GMCL1: variants seen among roughly 807,000 people sequenced by gnomAD.
The protein encoded by GMCL1 is germ cell-less 1, spermatogenesis associated.
Under a neutral mutation model 75.5 loss-of-function variants are expected in GMCL1, and 54 were observed. The observed-to-expected ratio is 0.71, with a 90% CI of 0.57 to 0.90. The LOEUF (loss-of-function observed/expected upper bound fraction) is 0.90. Among genes scored for constraint, GMCL1 ranks in the 40% least tolerant of loss-of-function variants. The pLI is 0.00. For missense variants in GMCL1, 537 were observed against 622.7 expected (o/e 0.86, Z 1.47); for synonymous variants, 210 against 209.6 (o/e 1.00, Z -0.02).
rs777375801 is a variant in GMCL1 at position 69,854,802 on chromosome 2, A to G, written c.935-21A>G. ...ATAGGTTTGAAAAGAATGGCTGTTT[A>G]ACTTACATGGTTTTTTATAGATTTT... is the stretch of plus-strand genomic sequence containing the variant. On this transcript the variant is annotated intron_variant, in intron 8 of 13. Transcript: ENST00000282570. The G allele has an allele frequency of 1.1e-4, 176 of 1,595,430 alleles. 1 individual carries two copies. Among genetic ancestry groups the G allele is most frequent in the Non-Finnish European group, 1.5e-4 (174 of 1,172,808 alleles).
At chr2:69,848,478 T>G (rs947202583) in intron 7 of GMCL1, among the ~76,000 whole-genome samples, 19 of 152,216 alleles carry the variant, frequency 1.2e-4, no homozygotes, top group African/African-American at 4.6e-4. Context: ...AGGCCCAGGC[T>G]GGCGGATCGC....
chr2:69,856,738 C>T (rs1395700090), intron 9 of GMCL1, among the ~76,000 whole-genome samples: 1 of 147,898 alleles, frequency 6.8e-6, no homozygotes, highest in East Asian at 2.0e-4. Flanking sequence ...AATATAGGGC[C>T]AGGAGACCAC....
chr2:69,866,589 G>A (rs1258459423), intron 11 of GMCL1, among the ~76,000 whole-genome samples: 1 of 152,096 alleles, frequency 6.6e-6, no homozygotes, highest in Non-Finnish European at 1.5e-5. Flanking sequence ...CTCTGGAGTA[G>A]CTGAGACTAC....
chr2:69,867,515 AT>A (rs1184053366), intron 11 of GMCL1, among the ~76,000 whole-genome samples: 6 of 152,226 alleles, frequency 3.9e-5, no homozygotes, highest in Non-Finnish European at 8.8e-5. Flanking sequence ...CATTCTGGAT[AT>A]ACAATACATT....
intron 9 of GMCL1, among the ~76,000 whole-genome samples, chr2:69,857,403 G>A (rs1179606860): frequency 6.6e-6 from 1 of 152,088 alleles, no homozygotes; most frequent in Non-Finnish European, 1.5e-5. Flanking sequence ...TCAACACTAA[G>A]CTTGAACCTT....
rs115328729 is a variant in GMCL1 at position 69,861,537 on chromosome 2, A to C, written c.1142+190A>C. ...TAAATGTCTTTCTGGTCAATTAGATAGTATAATGCAATTATGGAAATGTCA... is the reference window on the plus strand; with the variant it reads ...TAAATGTCTTTCTGGTCAATTAGATCGTATAATGCAATTATGGAAATGTCA... On this transcript the variant is annotated intron_variant, in intron 10 of 13. Transcript: ENST00000282570. Among the ~76,000 whole-genome samples the C allele has an allele frequency of 9.7e-4, 148 of 152,350 alleles. 1 individual carries two copies. Among genetic ancestry groups the C allele is most frequent in the South Asian group, 2.1e-3 (10 of 4,832 alleles).
chr2:69,836,634 G>C (rs1357766425), intron 1 of GMCL1, among the ~76,000 whole-genome samples: 1 of 152,210 alleles, frequency 6.6e-6, no homozygotes, highest in Non-Finnish European at 1.5e-5. Context: ...TTTAAAAAGA[G>C]ATTGAAGGTT....
intron 8 of GMCL1, among the ~76,000 whole-genome samples, chr2:69,850,961 G>T (rs1306713069): frequency 6.6e-6 from 1 of 152,076 alleles, no homozygotes; most frequent in Non-Finnish European, 1.5e-5. Context: ...CTCTTAATAT[G>T]GTTATTAGCC....
intron 13 of GMCL1, among the ~76,000 whole-genome samples, chr2:69,875,461 T>C (rs1049526951): frequency 6.6e-6 from 1 of 152,212 alleles, no homozygotes; most frequent in African/African-American, 2.4e-5. Context: ...ATGATTATTC[T>C]CCTGTATGGG....
chr2:69,872,718 A>G (rs1470848464), intron 13 of GMCL1, among the ~76,000 whole-genome samples: 1 of 152,230 alleles, frequency 6.6e-6, no homozygotes, highest in Non-Finnish European at 1.5e-5. Context: ...AGGAATGTCC[A>G]TTTCAAGGCA....
In GMCL1 at chr2:69,861,289, T is replaced by C; in HGVS notation, c.1084T>C (p.Ser362Pro). ...DAVVPSEWLS[S>P]VYKQQWFAML... Reference sequence around the variant, plus strand: ...TTCTTACATTTCAGAATGGCTCTCTTCTGTGTATAAACAGCAGTGGTTTGC... The same window carrying C: ...TTCTTACATTTCAGAATGGCTCTCTCCTGTGTATAAACAGCAGTGGTTTGC... Residue 362 changes from serine to proline, a missense_variant, in exon 10 of 14, where the codon TCT (serine) becomes CCT (proline). Ser to Pro is a moderately conservative substitution (Grantham distance 74). Coordinates refer to ENST00000282570, the MANE Select transcript of GMCL1 (RefSeq NM_178439.5). 6.2e-7 allele frequency: 1 copy of C among 1,605,606 alleles called. No individual in the cohort carries two copies. Among genetic ancestry groups the C allele is most frequent in the Non-Finnish European group, 8.5e-7 (1 of 1,173,442 alleles).
At chr2:69,843,379 G>A (rs1317052412) in intron 5 of GMCL1, 118 bp downstream of exon 5, 2 of 564,492 alleles carry the variant, frequency 3.5e-6, no homozygotes, top group Non-Finnish European at 6.4e-6. Context: ...AGGATAGGGG[G>A]ATGGAATTTT....
At position 69,839,643 on chromosome 2, in the gene GMCL1, G is replaced by A. The variant is rs933004440; in HGVS notation, c.481+90G>A. The A allele has an allele frequency of 1.3e-5, 11 of 852,748 alleles. No individual in the cohort carries two copies. The African/African-American group carries it at 1.8e-4, about 14-fold the overall frequency. 52.8% of individuals were successfully genotyped at this position (852,748 alleles called of 1,614,324 possible). A position where few individuals can be genotyped will look rare whatever the true frequency, so the allele number is the denominator to read the frequency against. On this transcript the variant is annotated intron_variant, in intron 3 of 13. Coordinates refer to ENST00000282570, the MANE Select transcript of GMCL1 (RefSeq NM_178439.5). ...AAGATAAATAATTCCTTCCAGCCTT[G>A]TAGTCTAGAAAACTCCTTTTATCAC...
intron 6 of GMCL1, 127 bp downstream of exon 6, chr2:69,844,323 G>T (rs1675071859): frequency 3.7e-6 from 2 of 543,176 alleles, no homozygotes; most frequent in Admixed American, 3.6e-5. Context: ...TAATGAAAGG[G>T]CTTGACTACA....
Position 69,860,006 on chromosome 2 carries a change from A to AT in GMCL1, c.1073-1269dup, listed in dbSNP as rs1289521805. Among the ~76,000 whole-genome samples the AT allele has an allele frequency of 2.5e-3, 387 of 152,164 alleles. 2 individuals are homozygous for AT. The highest frequency in any genetic ancestry group is 9.0e-3 in the African/African-American group (372 of 41,522). On this transcript the variant is annotated intron_variant, in intron 9 of 13. Transcript: ENST00000282570. ...TGCTGAGCCAATTCTATTTGTATTT[A>AT]TTTATTTTTTTTGAGGCAGGTTCTT...
In GMCL1 at chr2:69,880,732, C is replaced by T. The variant is rs1040662332; in HGVS notation, c.*1728C>T. On this transcript the variant is annotated 3_prime_UTR_variant, in exon 14 of 14. Coordinates refer to ENST00000282570, the MANE Select transcript of GMCL1 (RefSeq NM_178439.5). ...GCATGGTGGCACACGCCTGTCATCT[C>T]AGCTACTCAGGAGGCTGAGGCAGGA... 6.6e-6 allele frequency: 1 copy of T among 152,014 alleles called. No individual in the cohort carries two copies. Among genetic ancestry groups the T allele is most frequent in the Non-Finnish European group, 1.5e-5 (1 of 68,084 alleles). 9.4% of individuals were successfully genotyped at this position (152,014 alleles called of 1,614,324 possible). A position where few individuals can be genotyped will look rare whatever the true frequency, so the allele number is the denominator to read the frequency against.
intron 9 of GMCL1, among the ~76,000 whole-genome samples, chr2:69,856,886 A>G (rs950027840): frequency 2.0e-5 from 3 of 151,600 alleles, no homozygotes; most frequent in African/African-American, 7.3e-5. Flanking sequence ...TTCTCCCCCA[A>G]TCCAGTCACA....
intron 8 of GMCL1, among the ~76,000 whole-genome samples, chr2:69,850,620 T>A (rs1269870822): frequency 6.6e-6 from 1 of 152,230 alleles, no homozygotes. Flanking sequence ...ACTTCATGTT[T>A]ATTCTTTTGC....
intron 6 of GMCL1, chr2:69,844,716 G>A (rs146290803): frequency 5.8e-6 from 1 of 173,666 alleles, no homozygotes; most frequent in African/African-American, 2.4e-5. Flanking sequence ...CTACTCTGGA[G>A]GCTGAGGCAG....
Sources: allele counts gnomAD v4.1 joint callset (sites outside exome capture counted in the v4.1 genomes callset), GRCh38; gene constraint gnomAD v4.1.1; transcripts MANE v1.5; gene names NCBI Gene and HGNC (gene_info 2026-07-23, HGNC 2026-07-21).